The following ULK4 variants were observed in gnomAD, a reference collection of about 807,000 sequenced individuals.
ULK4 encodes inactive serine/threonine-protein kinase ULK4.
Under a neutral mutation model 160.6 loss-of-function variants are expected in ULK4, and 133 were observed. That is an observed-to-expected ratio of 0.83 (90% confidence interval 0.72 to 0.96). The LOEUF (loss-of-function observed/expected upper bound fraction) is 0.96, where lower values mean the gene tolerates loss of function less well. Ranked by LOEUF, ULK4 falls within the 40% of genes least tolerant of loss-of-function variation. The pLI is 0.00. For missense variants in ULK4, 1,580 were observed against 1,499.5 expected, an observed-to-expected ratio of 1.05 and a Z score of -0.89; for synonymous variants, 534 against 539.8, an observed-to-expected ratio of 0.99 and a Z score of 0.15.
chr3:41,732,558 TG>T (rs2125866997), intron 22 of ULK4, among the ~76,000 whole-genome samples: 1 of 152,186 alleles, frequency 6.6e-6, no homozygotes, highest in Admixed American at 6.5e-5. Context: ...AAAAACAGTA[TG>T]GGGGTACTCA....
chr3:41,463,888 A>G (rs1463927403), intron 32 of ULK4, among the ~76,000 whole-genome samples: 4 of 152,098 alleles, frequency 2.6e-5, no homozygotes, highest in African/African-American at 9.7e-5. Context: ...ATCCTATTAT[A>G]TAGTGTTAAC....
chr3:41,729,791 T>C (rs980919510), intron 22 of ULK4, among the ~76,000 whole-genome samples: 1 of 152,188 alleles, frequency 6.6e-6, no homozygotes, highest in South Asian at 2.1e-4. Context: ...CACAAACTTC[T>C]GCAGCCCAAG....
At chr3:41,884,524 A>C (rs1697648096) in intron 16 of ULK4, among the ~76,000 whole-genome samples, 1 of 152,240 alleles carries the variant, frequency 6.6e-6, no homozygotes, top group Non-Finnish European at 1.5e-5. Context: ...ATGACATTCA[A>C]TGTGATTTGA....
chr3:41,376,640 TA>T (rs59857793), intron 35 of ULK4, among the ~76,000 whole-genome samples: 31,386 of 148,696 alleles, frequency 0.21, 4,053 homozygotes, highest in South Asian at 0.32. Context: ...TCAAAGAGAA[TA>T]AAATACCTAG....
At position 41,398,097 on chromosome 3, in the gene ULK4, T is replaced by G; in HGVS notation, c.3660A>C (p.Leu1220Phe). 1 of 1,612,786 alleles carries G rather than the reference T, an allele frequency of 6.2e-7. No homozygotes were observed. The highest frequency in any genetic ancestry group is 8.5e-7 in the Non-Finnish European group (1 of 1,179,392). Residue 1220 changes from leucine to phenylalanine, a missense_variant, in exon 35 of 37, where the codon TTA becomes TTC. Coordinates refer to ENST00000301831, the MANE Select transcript of ULK4 (RefSeq NM_017886.4). The part of the protein sequence containing the change: ...KEDPKEQKLL[L>F]RILRRMITSN... ...AACTCACCATTCTTCTGAGAATCCTTAACAGAAGCTTCTGCTCCTTTGGGT... is the reference window on the plus strand; with the variant it reads ...AACTCACCATTCTTCTGAGAATCCTGAACAGAAGCTTCTGCTCCTTTGGGT...
At chr3:41,655,916 C>G (rs140795961) in intron 30 of ULK4, among the ~76,000 whole-genome samples, 1 of 152,148 alleles carries the variant, frequency 6.6e-6, no homozygotes. Flanking sequence ...CAAAGCCTAA[C>G]TTTATTAAGG....
rs373318458 is a variant in ULK4, at chr3:41,919,798, G to A, written c.562C>T (p.Pro188Ser). 30 of 1,613,986 alleles carry A rather than the reference G, an allele frequency of 1.9e-5. No individual in the cohort carries two copies. In the African/African-American group the frequency reaches 3.2e-4, roughly 17 times the overall value. Residue 188 changes from proline to serine, a missense_variant, in exon 6 of 37, where the codon CCA becomes TCA. Physicochemically the swap from Pro to Ser is moderately conservative, Grantham distance 74 (BLOSUM62 -1). Coordinates refer to ENST00000301831, the MANE Select transcript of ULK4 (RefSeq NM_017886.4). The part of the protein sequence containing the change: ...RVKGSPVYTA[P>S]EVVRGADFSI... ...AAGTCAGCACCCCTCACAACTTCTG[G>A]TGCTGTATATACAGGAGATCCTAAA...
intron 30 of ULK4, among the ~76,000 whole-genome samples, chr3:41,644,302 C>A (rs1260486966): frequency 2.6e-5 from 4 of 151,560 alleles, no homozygotes; most frequent in African/African-American, 9.7e-5. Context: ...CAGTTTTTGC[C>A]CATTCAGTAT....
chr3:41,602,249 GAAAAA>G (rs2032116045), intron 31 of ULK4, among the ~76,000 whole-genome samples: 1 of 115,998 alleles, frequency 8.6e-6, no homozygotes, highest in Non-Finnish European at 1.8e-5. Context: ...GGAAGGAAGA[GAAAAA>G]GGAAAGGAAA....
At chr3:41,750,239 A>C (rs565240870) in intron 22 of ULK4, among the ~76,000 whole-genome samples, 12 of 152,202 alleles carry the variant, frequency 7.9e-5, no homozygotes, top group Non-Finnish European at 1.8e-4. Flanking sequence ...CAAAATACAA[A>C]GACAAGGTAA....
intron 35 of ULK4, among the ~76,000 whole-genome samples, chr3:41,324,065 C>T (rs1424439220): frequency 6.6e-6 from 1 of 152,168 alleles, no homozygotes; most frequent in Non-Finnish European, 1.5e-5. Context: ...AGCCCAAGCT[C>T]AGGGTTCTGA....
In ULK4 at chr3:41,254,106, C is replaced by T. The variant is rs142925196; in HGVS notation, c.3679-4532G>A. Among the ~76,000 whole-genome samples the T allele has an allele frequency of 3.1e-4, 47 of 152,236 alleles. No homozygotes were observed. In the East Asian group the frequency reaches 6.4e-3, roughly 21 times the overall value. ...CAGGATAAGTAGACAAAAATCAGCA[C>T]GGATACAGAAGAACTGAGGAACCCC... On this transcript the variant is annotated intron_variant, in intron 35 of 36. Coordinates refer to ENST00000301831, the MANE Select transcript of ULK4 (RefSeq NM_017886.4).
chr3:41,364,313 C>A (rs1477892803), intron 35 of ULK4, among the ~76,000 whole-genome samples: 2 of 152,182 alleles, frequency 1.3e-5, no homozygotes, highest in Non-Finnish European at 2.9e-5. Flanking sequence ...CACTCTACCT[C>A]CTGCCCATTT....
At chr3:41,260,982 G>C (rs1394749049) in intron 35 of ULK4, among the ~76,000 whole-genome samples, 2 of 152,214 alleles carry the variant, frequency 1.3e-5, no homozygotes, top group Non-Finnish European at 2.9e-5. Flanking sequence ...TCAAGGTGAA[G>C]GAAGCTGGGA....
chr3:41,357,024 C>T lies in ULK4; in HGVS notation c.3678+41055G>A, dbSNP rs190353159. ...GAATTTGGGGTGTGGAATCTCGACT[C>T]TAAGCCCTTTCCACTTTTCAGGCAT... is the stretch of plus-strand genomic sequence containing the variant. On this transcript the variant is annotated intron_variant, in intron 35 of 36. Coordinates refer to ENST00000301831, the MANE Select transcript of ULK4 (RefSeq NM_017886.4). Among the ~76,000 whole-genome samples the T allele has an allele frequency of 3.9e-5, 6 of 152,280 alleles. No homozygotes were observed. In the East Asian group the frequency reaches 1.2e-3, roughly 29 times the overall value.
chr3:41,482,803 T>A (rs533055851), intron 32 of ULK4, among the ~76,000 whole-genome samples: 3 of 152,332 alleles, frequency 2.0e-5, no homozygotes, highest in East Asian at 1.9e-4. Context: ...ATTCCTTTTT[T>A]AAAAAAATTC....
intron 34 of ULK4, among the ~76,000 whole-genome samples, chr3:41,445,935 G>C (rs1271495272): frequency 6.6e-6 from 1 of 151,684 alleles, no homozygotes; most frequent in African/African-American, 2.4e-5. Flanking sequence ...GAGTGAACAG[G>C]CAACCTACAA....
At position 41,775,372 on chromosome 3, in the gene ULK4, A is replaced by G. The variant is rs192055290; in HGVS notation, c.2193+14289T>C. 5.8e-4 allele frequency among the ~76,000 whole-genome samples: 87 copies of G among 150,166 alleles called. 4 individuals are homozygous for G. The highest frequency in any genetic ancestry group is 2.1e-3 in the African/African-American group (83 of 39,722). On this transcript the variant is annotated intron_variant, in intron 21 of 36. Transcript: ENST00000301831. Reference sequence around the variant, plus strand: ...ATATCCACATGCTAATGAATATAAGAAAATAATATATATATGGTGACAACT... The same window carrying G: ...ATATCCACATGCTAATGAATATAAGGAAATAATATATATATGGTGACAACT...
At chr3:41,565,359 T>C (rs1400447045) in intron 32 of ULK4, among the ~76,000 whole-genome samples, 2 of 152,220 alleles carry the variant, frequency 1.3e-5, no homozygotes, top group East Asian at 3.9e-4. Context: ...TGATTGGCAG[T>C]CTTATGGTTC....
Sources: gnomAD v4.1 joint callset for allele counts (sites outside exome capture counted in the v4.1 genomes callset) on GRCh38, gnomAD v4.1.1 for gene constraint, MANE v1.5 for transcripts, NCBI Gene and HGNC (gene_info 2026-07-23, HGNC 2026-07-21) for gene names.